CCDC6: variants seen among roughly 807,000 people sequenced by gnomAD.
CCDC6 encodes the protein coiled-coil domain containing 6, also known as coiled-coil domain-containing protein 6.
In CCDC6, 20 loss-of-function variants were observed where a neutral mutation model predicts 56.6. The observed-to-expected ratio is 0.35, with a 90% confidence interval of 0.25 to 0.51. The LOEUF (loss-of-function observed/expected upper bound fraction) is 0.51. Among genes scored for constraint, CCDC6 ranks in the 20% least tolerant of loss-of-function variants. CCDC6 has a pLI of 0.95. For missense variants in CCDC6, 367 were observed against 601.1 expected (o/e 0.61, Z 4.07); for synonymous variants, 241 against 234.4 (o/e 1.03, Z -0.26).
At chr10:59,794,343 T>C in intron 8 of CCDC6, 130 bp downstream of exon 8, 1 of 888,174 alleles carries the variant, frequency 1.1e-6, no homozygotes, top group Non-Finnish European at 1.7e-6. Context: ...GTCTCTACAG[T>C]TTCAAGGTGA....
In CCDC6 at chr10:59,791,935, C is replaced by T. The variant is rs2070471173; in HGVS notation, c.*982G>A. 1 of 220,484 alleles carries T rather than the reference C, an allele frequency of 4.5e-6. No homozygotes were observed. The highest frequency in any genetic ancestry group is 2.2e-5 in the African/African-American group (1 of 44,590). 13.7% of individuals were successfully genotyped at this position (220,484 alleles called of 1,614,324 possible). On this transcript the variant is annotated 3_prime_UTR_variant, in exon 9 of 9. Coordinates refer to ENST00000263102, the MANE Select transcript of CCDC6 (RefSeq NM_005436.5). Reference sequence around the variant, plus strand: ...TGCCAAGCAATACAATATTTTCTGGCCATTATGCCAAGATAATGCGATAAT... The same window carrying T: ...TGCCAAGCAATACAATATTTTCTGGTCATTATGCCAAGATAATGCGATAAT...
At chr10:59,889,991 G>A (rs947654439) in intron 1 of CCDC6, among the ~76,000 whole-genome samples, 1 of 152,164 alleles carries the variant, frequency 6.6e-6, no homozygotes. Context: ...CACATGGTTT[G>A]TTTTCACAAC....
chr10:59,897,866 G>A (rs1234625633), intron 1 of CCDC6, among the ~76,000 whole-genome samples: 1 of 152,096 alleles, frequency 6.6e-6, no homozygotes, highest in Admixed American at 6.5e-5. Flanking sequence ...GATGACTTAT[G>A]CCTGGCTGAA....
At chr10:59,860,326 G>A (rs965646044) in intron 1 of CCDC6, among the ~76,000 whole-genome samples, 1 of 152,162 alleles carries the variant, frequency 6.6e-6, no homozygotes, top group African/African-American at 2.4e-5. Context: ...TTGACTACCA[G>A]ACGAAGAAAG....
chr10:59,793,508 G>A (rs947768154), intron 8 of CCDC6, among the ~76,000 whole-genome samples: 2 of 152,218 alleles, frequency 1.3e-5, no homozygotes, highest in African/African-American at 4.8e-5. Context: ...TTGAGGCCGG[G>A]TGCAGTGGCT....
chr10:59,861,199 A>T (rs755146649), intron 1 of CCDC6, among the ~76,000 whole-genome samples: 12 of 151,834 alleles, frequency 7.9e-5, no homozygotes, highest in East Asian at 3.9e-4. Context: ...AAATAAATTT[A>T]AAAAAAATAA....
At chr10:59,830,868 T>TATTAA (rs2070829560) in intron 3 of CCDC6, among the ~76,000 whole-genome samples, 5 of 152,186 alleles carry the variant, frequency 3.3e-5, no homozygotes, top group Admixed American at 3.3e-4. Flanking sequence ...AAGTCTCCTT[T>TATTAA]AGGAGCCTGT....
intron 2 of CCDC6, among the ~76,000 whole-genome samples, chr10:59,851,584 T>A (rs548287087): frequency 6.6e-6 from 1 of 152,290 alleles, no homozygotes; most frequent in Admixed American, 6.5e-5. Context: ...GTTTCCAGTA[T>A]CCTCTTACAG....
At position 59,876,980 on chromosome 10, in the gene CCDC6, C is replaced by T. The variant is rs551804927; in HGVS notation, c.304-24278G>A. Among the ~76,000 whole-genome samples, 6 of 152,140 alleles carry T rather than the reference C, an allele frequency of 3.9e-5. No homozygotes were observed. The South Asian group carries it at 6.2e-4, about 16-fold the overall frequency. On this transcript the variant is annotated intron_variant, in intron 1 of 8. Transcript: ENST00000263102. ...GGCTATGTGGTATGGCCTATTGCTC[C>T]GAGGCCTGTACAGCACGTTATTATA...
In CCDC6 at chr10:59,876,092, C is replaced by CA. The variant is rs1056970994; in HGVS notation, c.304-23391dup. On this transcript the variant is annotated intron_variant, in intron 1 of 8. Transcript: ENST00000263102. The stretch of plus-strand genomic sequence containing the variant: ...AGATGTCTTTTTTTTTTTTTTTTTT[C>CA]AGATCGAGTCTCGTTCTATCATCCA... 8.7e-4 allele frequency among the ~76,000 whole-genome samples: 8 copies of CA among 9,178 alleles called. 1 individual carries two copies. Among genetic ancestry groups the CA allele is most frequent in the Admixed American group, 6.9e-3 (6 of 868 alleles). The allele number at this position is 9,178 out of a possible 152,430, so 6.0% of individuals were successfully genotyped here. A position where few individuals can be genotyped will look rare whatever the true frequency, so the allele number is the denominator to read the frequency against.
chr10:59,867,435 A>C (rs551395038), intron 1 of CCDC6, among the ~76,000 whole-genome samples: 1 of 152,318 alleles, frequency 6.6e-6, no homozygotes, highest in Admixed American at 6.5e-5. Context: ...TTTATAATCT[A>C]TTCTCTCTGA....
intron 1 of CCDC6, among the ~76,000 whole-genome samples, chr10:59,854,126 C>T (rs1169675227): frequency 6.6e-6 from 1 of 152,028 alleles, no homozygotes; most frequent in African/African-American, 2.4e-5. Context: ...TCCAAGAGAA[C>T]CAGACAGGCA....
chr10:59,841,121 A>G (rs1213680428), intron 2 of CCDC6, among the ~76,000 whole-genome samples: 4 of 151,894 alleles, frequency 2.6e-5, no homozygotes, highest in Non-Finnish European at 5.9e-5. Flanking sequence ...TTACCTCCCA[A>G]TTTCATCTAT....
intron 6 of CCDC6, 125 bp downstream of exon 6, chr10:59,806,797 A>G (rs1399565193): frequency 1.3e-6 from 1 of 755,768 alleles, no homozygotes; most frequent in Non-Finnish European, 2.1e-6. Context: ...AGTGGCATTC[A>G]TTAGCACAAT....
rs112356068 is a variant in CCDC6, at chr10:59,902,726, T to C, written c.303+3396A>G. Among the ~76,000 whole-genome samples the C allele has an allele frequency of 1.5e-3, 236 of 152,312 alleles. 2 individuals carry two copies. The highest frequency in any genetic ancestry group is 5.5e-3 in the African/African-American group (230 of 41,558). Reference sequence around the variant, plus strand: ...CGCCAAAGCAACTCTTATTCACTGTTGGTGGGAATGAAAAACGATGCAGCC... The same window carrying C: ...CGCCAAAGCAACTCTTATTCACTGTCGGTGGGAATGAAAAACGATGCAGCC... On this transcript the variant is annotated intron_variant, in intron 1 of 8. Transcript: ENST00000263102.
intron 1 of CCDC6, among the ~76,000 whole-genome samples, chr10:59,883,175 C>T (rs1183699842): frequency 6.6e-6 from 1 of 152,180 alleles, no homozygotes; most frequent in African/African-American, 2.4e-5. Flanking sequence ...CATCAATGGA[C>T]TCTGAGTCTT....
At chr10:59,895,474 T>C (rs2071455081) in intron 1 of CCDC6, among the ~76,000 whole-genome samples, 1 of 152,206 alleles carries the variant, frequency 6.6e-6, no homozygotes, top group East Asian at 1.9e-4. Context: ...TGTAGGCTTA[T>C]GGCTATGGAT....
chr10:59,810,706 CCT>C (rs531431129), intron 5 of CCDC6, among the ~76,000 whole-genome samples: 28 of 152,206 alleles, frequency 1.8e-4, no homozygotes, highest in Non-Finnish European at 4.0e-4. Context: ...TTAATATGCT[CCT>C]TTTTTACTCC....
intron 2 of CCDC6, among the ~76,000 whole-genome samples, chr10:59,841,362 G>T (rs1326271709): frequency 2.6e-5 from 4 of 152,172 alleles, no homozygotes; most frequent in Non-Finnish European, 5.9e-5. Context: ...GCCCTTTACA[G>T]TGTTCTATAT....
Sources: gnomAD v4.1 joint callset for allele counts (sites outside exome capture counted in the v4.1 genomes callset) on GRCh38, gnomAD v4.1.1 for gene constraint, MANE v1.5 for transcripts, NCBI Gene and HGNC (gene_info 2026-07-23, HGNC 2026-07-21) for gene names.